Variants in REDIC1 observed in about 807,000 individuals in gnomAD.
REDIC1 encodes the protein HEI10 Interacting Protein 1.
At chr12:39,900,185 G>A in the REDIC1 span, among the ~76,000 whole-genome samples, 5 of 151,992 alleles carry the variant, frequency 3.3e-5, no homozygotes, top group South Asian at 2.1e-4. Context: ...TTGATGGGAC[G>A]TATCTCAAAA....
the REDIC1 span, among the ~76,000 whole-genome samples, chr12:39,700,225 C>T: frequency 6.6e-6 from 1 of 151,884 alleles, no homozygotes; most frequent in South Asian, 2.1e-4. Context: ...CTAGAATAAC[C>T]AATACAGAGA....
At chr12:39,849,945 T>C in the REDIC1 span, among the ~76,000 whole-genome samples, 1 of 152,302 alleles carries the variant, frequency 6.6e-6, no homozygotes, top group East Asian at 1.9e-4. Flanking sequence ...GTTATTAGTG[T>C]ATATAATTTT....
At chr12:39,720,675 G>GT in the REDIC1 span, 2 of 864,114 alleles carry the variant, frequency 2.3e-6, no homozygotes, top group South Asian at 3.2e-5. Flanking sequence ...ACTCTCTTCT[G>GT]TATTTAGAAA....
At chr12:39,738,453 G>A in the REDIC1 span, among the ~76,000 whole-genome samples, 1 of 152,140 alleles carries the variant, frequency 6.6e-6, no homozygotes, top group East Asian at 1.9e-4. Context: ...TAGCATCTGA[G>A]GAGACTCATC....
the REDIC1 span, among the ~76,000 whole-genome samples, chr12:39,702,272 A>T: frequency 2.0e-5 from 3 of 152,218 alleles, no homozygotes; most frequent in Non-Finnish European, 4.4e-5. Flanking sequence ...ATCCCACAGA[A>T]ATACAAACTA....
chr12:39,851,115 G>A, the REDIC1 span, among the ~76,000 whole-genome samples: 1 of 152,052 alleles, frequency 6.6e-6, no homozygotes, highest in Non-Finnish European at 1.5e-5. Context: ...GGCCAGGCTG[G>A]TCTCGAACTC....
chr12:39,886,614 G>A, the REDIC1 span, among the ~76,000 whole-genome samples: 1 of 151,648 alleles, frequency 6.6e-6, no homozygotes, highest in South Asian at 2.1e-4. Flanking sequence ...AAATGTTTTG[G>A]TGTGTTTGAA....
the REDIC1 span, among the ~76,000 whole-genome samples, chr12:39,848,222 A>T: frequency 4.6e-5 from 7 of 152,222 alleles, no homozygotes; most frequent in Non-Finnish European, 1.0e-4. Context: ...AAAAGAAACT[A>T]TCAACAGAGT....
At chr12:39,712,000 G>C in the REDIC1 span, among the ~76,000 whole-genome samples, 1 of 143,390 alleles carries the variant, frequency 7.0e-6, no homozygotes, top group East Asian at 2.2e-4. Flanking sequence ...ATACATGTCT[G>C]TATATATACC....
At chr12:39,654,015 A>C in the REDIC1 span, among the ~76,000 whole-genome samples, 1 of 151,432 alleles carries the variant, frequency 6.6e-6, no homozygotes, top group Non-Finnish European at 1.5e-5. Context: ...GAGAGTTTTT[A>C]TCATGAGTTT....
At chr12:39,699,192 G>T in the REDIC1 span, among the ~76,000 whole-genome samples, 1 of 152,194 alleles carries the variant, frequency 6.6e-6, no homozygotes, top group Non-Finnish European at 1.5e-5. Flanking sequence ...GAGGTATTGG[G>T]TTCATCTCAC....
the REDIC1 span, chr12:39,691,999 A>G: frequency 6.9e-7 from 1 of 1,450,466 alleles, no homozygotes. Context: ...GATATAAGTG[A>G]ATATTATTAT....
chr12:39,716,376 A>G, the REDIC1 span, among the ~76,000 whole-genome samples: 1 of 152,042 alleles, frequency 6.6e-6, no homozygotes, highest in African/African-American at 2.4e-5. Flanking sequence ...CTAGATTGGC[A>G]AATGTCTGAT....
the REDIC1 span, among the ~76,000 whole-genome samples, chr12:39,860,468 A>G: frequency 2.6e-5 from 4 of 152,196 alleles, no homozygotes; most frequent in African/African-American, 9.7e-5. Context: ...ATTATCATGC[A>G]TGGATAATAA....
the REDIC1 span, among the ~76,000 whole-genome samples, chr12:39,761,460 A>G: frequency 6.6e-6 from 1 of 152,098 alleles, no homozygotes; most frequent in East Asian, 1.9e-4. Context: ...AATTCTGAAT[A>G]TCAGTTGCTC....
At chr12:39,817,941 T>C in the REDIC1 span, among the ~76,000 whole-genome samples, 2 of 152,214 alleles carry the variant, frequency 1.3e-5, no homozygotes, top group African/African-American at 2.4e-5. Flanking sequence ...CTTGAACTTG[T>C]CTAGGTCTGC....
the REDIC1 span, among the ~76,000 whole-genome samples, chr12:39,730,719 T>G: frequency 1.3e-5 from 2 of 152,192 alleles, no homozygotes; most frequent in African/African-American, 4.8e-5. Context: ...TTGGGGGAGT[T>G]CTCCTGGATA....
the REDIC1 span, among the ~76,000 whole-genome samples, chr12:39,665,633 G>T: frequency 3.0e-4 from 45 of 150,050 alleles, no homozygotes; most frequent in African/African-American, 1.1e-3. Flanking sequence ...GCTTGATGGG[G>T]ATGGCATTGA....
chr12:39,772,149 T>TGAGA, the REDIC1 span, among the ~76,000 whole-genome samples: 1 of 152,166 alleles, frequency 6.6e-6, no homozygotes, highest in Admixed American at 6.6e-5. Context: ...TCTACGGTAC[T>TGAGA]GAGATTTCAT....
Sources: allele counts gnomAD v4.1 joint callset (sites outside exome capture counted in the v4.1 genomes callset), GRCh38; gene constraint gnomAD v4.1.1; transcripts MANE v1.5; gene names NCBI Gene and HGNC (gene_info 2026-07-23, HGNC 2026-07-21).